The following TBX15 variants were observed in gnomAD, a reference collection of about 807,000 sequenced individuals.
The protein encoded by TBX15 is T-box transcription factor TBX15.
In TBX15, 18 loss-of-function variants were observed where a neutral mutation model predicts 53.9. That is an observed-to-expected ratio of 0.33 (90% CI 0.23 to 0.49). TBX15 has a LOEUF of 0.49. Ranked by LOEUF, TBX15 falls within the 20% of genes least tolerant of loss-of-function variation. TBX15 has a pLI of 0.98. For synonymous variants in TBX15, 295 were observed against 278.0 expected (o/e 1.06, Z -0.61); for missense variants, 692 against 749.5 (o/e 0.92, Z 0.90).
chr1:118,890,070 C>A (rs574697804), intron 7 of TBX15, among the ~76,000 whole-genome samples: 50 of 152,256 alleles, frequency 3.3e-4, no homozygotes, highest in Non-Finnish European at 2.5e-4. Flanking sequence ...CTCTCCCCAC[C>A]CTGATGAGCA....
intron 6 of TBX15, among the ~76,000 whole-genome samples, chr1:118,912,600 G>C (rs1655059350): frequency 1.3e-5 from 2 of 151,980 alleles, no homozygotes; most frequent in Admixed American, 1.3e-4. Flanking sequence ...AAGGTCTTCT[G>C]TTAGCCCATA....
intron 1 of TBX15, among the ~76,000 whole-genome samples, chr1:118,964,264 C>A (rs1255115871): frequency 1.3e-5 from 2 of 152,208 alleles, no homozygotes; most frequent in Non-Finnish European, 2.9e-5. Context: ...CTCATATCTC[C>A]CCATTTCTTA....
At position 118,885,479 on chromosome 1, in the gene TBX15, A is replaced by C; in HGVS notation, c.1062T>G (p.Thr354=). ...AAGAAGCCGAAGGGGATGGTGTCCC[A>C]GTGCTGGAGGTGGTTGGGGAAGTGC... ...STGTSPTTSS[T]GTPSPSASSH... Residue 354 remains threonine (T), a synonymous_variant, in exon 8 of 8, where the codon ACT becomes ACG. Transcript: ENST00000369429. 6.2e-7 allele frequency: 1 copy of C among 1,603,634 alleles called. No homozygotes were observed.
At chr1:118,970,569 G>T (rs376739255) in intron 1 of TBX15, among the ~76,000 whole-genome samples, 2 of 152,206 alleles carry the variant, frequency 1.3e-5, no homozygotes, top group East Asian at 3.8e-4. Flanking sequence ...AAGAAGAAAG[G>T]AAATAGCAAA....
At chr1:118,910,180 GCAAACTCTGTAACTCCAAAGTCTTC>G (rs1221114268) in intron 6 of TBX15, among the ~76,000 whole-genome samples, 1 of 152,142 alleles carries the variant, frequency 6.6e-6, no homozygotes, top group Non-Finnish European at 1.5e-5. Flanking sequence ...TTGAGGTTTG[GCAAACTCTGTAACTCCAAAGTCTTC>G]CACAAATGTT....
intron 1 of TBX15, among the ~76,000 whole-genome samples, chr1:118,933,932 A>G (rs1655883634): frequency 6.6e-6 from 1 of 152,164 alleles, no homozygotes; most frequent in African/African-American, 2.4e-5. Flanking sequence ...GAAATTTTGG[A>G]CATATGATTT....
At chr1:118,928,035 G>A (rs917515937) in intron 2 of TBX15, among the ~76,000 whole-genome samples, 8 of 152,122 alleles carry the variant, frequency 5.3e-5, no homozygotes, top group African/African-American at 1.2e-4. Flanking sequence ...TCCATTTCAT[G>A]GCCATAGACC....
chr1:118,979,906 C>G (rs1009486329), intron 1 of TBX15, among the ~76,000 whole-genome samples: 1 of 152,166 alleles, frequency 6.6e-6, no homozygotes, highest in Non-Finnish European at 1.5e-5. Context: ...GCTGGCACAC[C>G]GAGGCCTCGC....
chr1:118,974,645 T>A (rs1657359356), intron 1 of TBX15, among the ~76,000 whole-genome samples: 2 of 152,090 alleles, frequency 1.3e-5, no homozygotes, highest in Admixed American at 1.3e-4. Flanking sequence ...ATTAGAAGAG[T>A]AATGGAGCAC....
intron 7 of TBX15, among the ~76,000 whole-genome samples, chr1:118,898,410 T>C (rs947254341): frequency 6.6e-6 from 1 of 152,148 alleles, no homozygotes; most frequent in Non-Finnish European, 1.5e-5. Flanking sequence ...GGCCACAGGT[T>C]TCCCAACCTG....
At chr1:118,969,786 A>T (rs1262624927) in intron 1 of TBX15, among the ~76,000 whole-genome samples, 2 of 152,236 alleles carry the variant, frequency 1.3e-5, no homozygotes, top group African/African-American at 2.4e-5. Context: ...GGTTATTCTG[A>T]TCATTTACAT....
intron 1 of TBX15, among the ~76,000 whole-genome samples, chr1:118,941,538 T>C (rs898071315): frequency 6.6e-6 from 1 of 152,126 alleles, no homozygotes; most frequent in Non-Finnish European, 1.5e-5. Context: ...AACCATCCCG[T>C]TTAGTAAATA....
chr1:118,957,568 C>G (rs1431384043), intron 1 of TBX15, among the ~76,000 whole-genome samples: 1 of 152,044 alleles, frequency 6.6e-6, no homozygotes, highest in Admixed American at 6.5e-5. Flanking sequence ...TGTGCTGCAC[C>G]CATTAACTCG....
rs1306788811 is a variant in TBX15 at position 118,987,822 on chromosome 1, C to T, written c.-27G>A. On this transcript the variant is annotated 5_prime_UTR_variant, in exon 1 of 8. Transcript: ENST00000369429. ...TTAGCCGCCCACACCCCTGCCTCCGCTTGCCCCCGCTACCGAGGGAGCAGC... is the reference window on the plus strand; with the variant it reads ...TTAGCCGCCCACACCCCTGCCTCCGTTTGCCCCCGCTACCGAGGGAGCAGC... 20 of 1,546,342 alleles carry T rather than the reference C, an allele frequency of 1.3e-5. No individual in the cohort carries two copies. Among genetic ancestry groups the T allele is most frequent in the Non-Finnish European group, 1.7e-5 (19 of 1,145,236 alleles).
At chr1:118,900,481 A>C (rs1343262695) in intron 6 of TBX15, among the ~76,000 whole-genome samples, 1 of 152,194 alleles carries the variant, frequency 6.6e-6, no homozygotes, top group Non-Finnish European at 1.5e-5. Flanking sequence ...TGTGTTGGAA[A>C]ATTTCCTCTC....
intron 7 of TBX15, among the ~76,000 whole-genome samples, chr1:118,898,642 C>T (rs1654510561): frequency 6.6e-6 from 1 of 152,074 alleles, no homozygotes; most frequent in African/African-American, 2.4e-5. Context: ...AGATTTTGCT[C>T]ATCACGAAAC....
At chr1:118,886,488 T>C (rs956198579) in intron 7 of TBX15, among the ~76,000 whole-genome samples, 1 of 152,168 alleles carries the variant, frequency 6.6e-6, no homozygotes, top group Non-Finnish European at 1.5e-5. Context: ...ATAGAGGACC[T>C]GGCAGCTTTT....
rs1232701244 is a variant in TBX15 at position 118,987,705 on chromosome 1, T to C, written c.91A>G (p.Lys31Glu). The C allele has an allele frequency of 1.2e-5, 18 of 1,550,410 alleles. No individual in the cohort carries two copies. Among genetic ancestry groups the C allele is most frequent in the Non-Finnish European group, 1.6e-5 (18 of 1,146,854 alleles). ...EALIGSNKKR[K>E]LRDWEEKGLD... ...CCCTTCTCCTCCCAGTCTCGCAGTTTCCGTTTTTTATTTGAGCCGATCAAG... is the reference window on the plus strand; with the variant it reads ...CCCTTCTCCTCCCAGTCTCGCAGTTCCCGTTTTTTATTTGAGCCGATCAAG... The change falls in exon 1 of 8, where the codon AAA (lysine) becomes GAA (glutamate). Residue 31 changes from lysine to glutamate, a missense_variant. By Grantham distance (56) the Lys-to-Glu change is moderately conservative. This residue lies in a region of TBX15 where 307 missense variants were observed against 347.5 expected (regional missense o/e 0.88). Transcript: ENST00000369429.
At chr1:118,981,367 T>C (rs1286809569) in intron 1 of TBX15, among the ~76,000 whole-genome samples, 2 of 151,878 alleles carry the variant, frequency 1.3e-5, no homozygotes, top group Non-Finnish European at 2.9e-5. Flanking sequence ...CCAAATTTTG[T>C]CTACATCCAA....
Sources: gnomAD v4.1 joint callset for allele counts (sites outside exome capture counted in the v4.1 genomes callset) on GRCh38, gnomAD v4.1.1 for gene constraint, gnomAD v4.1.1 regional missense constraint, MANE v1.5 for transcripts, NCBI Gene and HGNC (gene_info 2026-07-23, HGNC 2026-07-21) for gene names.